NR5A1: variants seen among roughly 807,000 people sequenced by gnomAD.
NR5A1 encodes nuclear receptor subfamily 5 group A member 1.
A neutral mutation model predicts 42.7 loss-of-function variants in NR5A1; 6 were observed. The observed-to-expected ratio is 0.14, with a 90% CI of 0.08 to 0.28. The LOEUF (loss-of-function observed/expected upper bound fraction) is 0.28. NR5A1 is among the 10% of genes least tolerant of loss of function. The pLI, the probability that NR5A1 is intolerant of heterozygous loss-of-function variation, is 1.00. For missense variants in NR5A1, 442 were observed against 626.4 expected (o/e 0.71, Z 3.14); for synonymous variants, 274 against 277.5 (o/e 0.99, Z 0.12).
At chr9:124,504,736 C>T (rs1195352990) in intron 1 of NR5A1, among the ~76,000 whole-genome samples, 1 of 146,730 alleles carries the variant, frequency 6.8e-6, no homozygotes, top group East Asian at 2.0e-4. Context: ...GCCCGCACCT[C>T]TCGGCCGCGC....
intron 6 of NR5A1, among the ~76,000 whole-genome samples, chr9:124,490,193 C>T (rs1353212615): frequency 6.6e-6 from 1 of 152,256 alleles, no homozygotes; most frequent in Non-Finnish European, 1.5e-5. Context: ...AGATGCCCCT[C>T]TTCCAGGAAG....
chr9:124,496,879 G>A lies in NR5A1; in HGVS notation c.870+3211C>T, dbSNP rs541806556. 7.2e-5 allele frequency among the ~76,000 whole-genome samples: 11 copies of A among 152,310 alleles called. 1 individual carries two copies. The South Asian group carries it at 1.2e-3, about 17-fold the overall frequency. On this transcript the variant is annotated intron_variant, in intron 4 of 6. Coordinates refer to ENST00000373588, the MANE Select transcript of NR5A1 (RefSeq NM_004959.5). The surrounding 1 kb of genome is among the most constrained non-coding windows in gnomAD (Gnocchi z 5.0). ...CTTGCATCCTCCCAGCCTGTCCTTC[G>A]CAGTAAGTGACGAGAGGCTGACTGC...
chr9:124,503,418 G>A lies in NR5A1; in HGVS notation c.-15-8C>T. On this transcript the variant is annotated splice_polypyrimidine_tract_variant and splice_region_variant and intron_variant, in intron 1 of 6. Coordinates refer to ENST00000373588, the MANE Select transcript of NR5A1 (RefSeq NM_004959.5). This position sits in a 1 kb window ranked among gnomAD's most constrained non-coding sequence, Gnocchi z 9.6. ...CATGCCCGCGGCGTCCGCCTGCGGA[G>A]GGACAGCGGGTCAGGGAGGGCCGGC... 6.3e-7 allele frequency: 1 copy of A among 1,591,624 alleles called. No homozygotes were observed. The highest frequency in any genetic ancestry group is 2.3e-5 in the East Asian group (1 of 43,642).
rs1447380106 is a variant in NR5A1, at chr9:124,491,118, C to T, written c.1101G>A (p.Glu367=). 3 of 1,492,484 alleles carry T rather than the reference C, an allele frequency of 2.0e-6. No individual in the cohort carries two copies. Among genetic ancestry groups the T allele is most frequent in the African/African-American group, 1.4e-5 (1 of 69,868 alleles). 92.5% of individuals were successfully genotyped at this position (1,492,484 alleles called of 1,614,324 possible). Residue 367 remains glutamate, a synonymous_variant, in exon 6 of 7, where the codon GAG becomes GAA. Transcript: ENST00000373588. ...GGATGATGAACTTGAGGCAGACAAA[C>T]TCCTGCCGGTCCAGCTGCAGCGCAA... ...QLLALQLDRQ[E]FVCLKFIILF...
intron 1 of NR5A1, among the ~76,000 whole-genome samples, chr9:124,506,005 A>T (rs1017884810): frequency 1.3e-5 from 2 of 152,234 alleles, no homozygotes; most frequent in African/African-American, 4.8e-5. Context: ...GCGATCTTCA[A>T]GCAGGAAAAT....
At chr9:124,495,353 G>A (rs758824547) in intron 4 of NR5A1, among the ~76,000 whole-genome samples, 5 of 152,208 alleles carry the variant, frequency 3.3e-5, no homozygotes, top group South Asian at 2.1e-4. Context: ...CACCAGGCAC[G>A]GCGCCCAGTG....
At position 124,500,591 on chromosome 9, in the gene NR5A1, C is replaced by T. The variant is rs1189712543; in HGVS notation, c.369G>A (p.Gly123=). 3 of 1,611,504 alleles carry T rather than the reference C, an allele frequency of 1.9e-6. No homozygotes were observed. Among genetic ancestry groups the T allele is most frequent in the Admixed American group, 1.7e-5 (1 of 60,000 alleles). ...GCGGCGGGGGCACCCCCATCGGGGG[C>T]CCTGTCTCCAGCTTGAAGCCATTGG... ...IRANGFKLET[G]PPMGVPPPPP... is the part of the protein sequence containing the mutation. The change falls in exon 4 of 7, where the codon GGG becomes GGA. Residue 123 remains glycine (G), a synonymous_variant. Coordinates refer to ENST00000373588, the MANE Select transcript of NR5A1 (RefSeq NM_004959.5). The surrounding 1 kb of genome is among the most constrained non-coding windows in gnomAD (Gnocchi z 6.9).
Position 124,496,061 on chromosome 9 carries a change from C to T in NR5A1, c.871-2912G>A, listed in dbSNP as rs1461808995. Among the ~76,000 whole-genome samples the T allele has an allele frequency of 1.3e-5, 2 of 152,128 alleles. No homozygotes were observed. The highest frequency in any genetic ancestry group is 3.8e-4 in the East Asian group (2 of 5,196). ...GCTGTTGGTTCTTACGTGGATGCTG[C>T]CCGGCCGGGATCCCACCTGCCCCTT... On this transcript the variant is annotated intron_variant, in intron 4 of 6. Transcript: ENST00000373588. The surrounding 1 kb of genome is among the most constrained non-coding windows in gnomAD (Gnocchi z 5.0).
chr9:124,492,538 G>A (rs1204621838), intron 5 of NR5A1, among the ~76,000 whole-genome samples: 1 of 151,868 alleles, frequency 6.6e-6, no homozygotes, highest in Non-Finnish European at 1.5e-5. Context: ...CGAGATTTAG[G>A]GCCTGCAAGG....
intron 6 of NR5A1, among the ~76,000 whole-genome samples, chr9:124,489,889 C>T (rs868421635): frequency 3.3e-5 from 5 of 152,156 alleles, no homozygotes; most frequent in African/African-American, 9.7e-5. Flanking sequence ...CAGCCCACTG[C>T]ACCCAGCCAC....
intron 4 of NR5A1, among the ~76,000 whole-genome samples, chr9:124,494,011 C>A (rs1832353996): frequency 6.6e-6 from 1 of 152,214 alleles, no homozygotes; most frequent in African/African-American, 2.4e-5. Flanking sequence ...AGGGCCACGG[C>A]TGGCATTCCC....
At chr9:124,504,052 CGAGAGAGAGA>C (rs887296282) in intron 1 of NR5A1, among the ~76,000 whole-genome samples, 1 of 103,294 alleles carries the variant, frequency 9.7e-6, no homozygotes, top group Non-Finnish European at 1.8e-5. Flanking sequence ...GAGAGAGAGA[CGAGAGAGAGA>C]GAGAGAGAGA....
intron 4 of NR5A1, 72 bp from the exon 5 acceptor site, chr9:124,493,221 T>A: frequency 1.3e-6 from 2 of 1,545,316 alleles, no homozygotes; most frequent in Non-Finnish European, 1.7e-6. Flanking sequence ...CCCCTTCTCC[T>A]CCCACTGAGA....
At chr9:124,495,406 A>T (rs1832376752) in intron 4 of NR5A1, among the ~76,000 whole-genome samples, 1 of 152,216 alleles carries the variant, frequency 6.6e-6, no homozygotes, top group African/African-American at 2.4e-5. Flanking sequence ...CATTCTGCCC[A>T]CATTACAGAT....
intron 6 of NR5A1, among the ~76,000 whole-genome samples, chr9:124,485,664 G>A (rs1284116919): frequency 6.6e-6 from 1 of 152,230 alleles, no homozygotes; most frequent in Non-Finnish European, 1.5e-5. Context: ...TGTCCAGAGA[G>A]ATGCTGCTAT....
chr9:124,493,168 C>T lies in NR5A1; in HGVS notation c.871-19G>A, dbSNP rs1055707185. ...CGGCCACCTGGAAGGAAGAGGCACG[C>T]GGGGGGCCGGGCTCCAGCCAGGGTC... On this transcript the variant is annotated intron_variant, in intron 4 of 6. Coordinates refer to ENST00000373588, the MANE Select transcript of NR5A1 (RefSeq NM_004959.5). 48 of 1,606,654 alleles carry T rather than the reference C, an allele frequency of 3.0e-5. 1 individual carries two copies. The South Asian group carries it at 4.5e-4, about 15-fold the overall frequency.
chr9:124,503,079 C>T lies in NR5A1; in HGVS notation c.244G>A (p.Ala82Thr). 6.3e-7 allele frequency: 1 copy of T among 1,577,122 alleles called. No homozygotes were observed. The highest frequency in any genetic ancestry group is 8.6e-7 in the Non-Finnish European group (1 of 1,164,490). ...GGGTCGAGGCCCGCGCGGCGCGCAC[C>T]TTCCAGGCGCATCCCCACCGTCAGG... ...KCLTVGMRLE[A>T]VRADRMRGGR... is the part of the protein sequence containing the mutation. The change falls in exon 3 of 7, where the codon GCC becomes ACC. Residue 82 changes from alanine to threonine, a missense_variant and splice_region_variant. Transcript: ENST00000373588. This position sits in a 1 kb window ranked among gnomAD's most constrained non-coding sequence, Gnocchi z 9.6.
chr9:124,486,842 C>T (rs1268828103), intron 6 of NR5A1, among the ~76,000 whole-genome samples: 1 of 152,254 alleles, frequency 6.6e-6, no homozygotes, highest in Non-Finnish European at 1.5e-5. Context: ...ACGCCCCCTT[C>T]ATGTGTCAGG....
At chr9:124,504,623 G>T (rs1430565225) in intron 1 of NR5A1, among the ~76,000 whole-genome samples, 1 of 151,586 alleles carries the variant, frequency 6.6e-6, no homozygotes, top group African/African-American at 2.4e-5. Flanking sequence ...AGCGCGAAGA[G>T]CCAGGGCCCG....
Sources: gnomAD v4.1 joint callset for allele counts (sites outside exome capture counted in the v4.1 genomes callset) on GRCh38, gnomAD v4.1.1 for gene constraint, Gnocchi (gnomAD v3.1) non-coding constraint, MANE v1.5 for transcripts, NCBI Gene and HGNC (gene_info 2026-07-23, HGNC 2026-07-21) for gene names.